Variants in KIZ observed in about 807,000 individuals in gnomAD.
KIZ encodes the protein centrosomal protein kizuna.
KIZ carries 68 observed loss-of-function variants against 79.6 expected under a neutral mutation model. That is an observed-to-expected ratio of 0.85 (90% CI 0.70 to 1.05). The LOEUF is 1.05. Among genes scored for constraint, KIZ ranks in the 50% least tolerant of loss-of-function variants. The pLI is 0.00. For synonymous variants in KIZ, 280 were observed against 281.8 expected (o/e 0.99, Z 0.06); for missense variants, 797 against 800.4 (o/e 1.00, Z 0.05).
chr20:21,210,033 G>T (rs1032990003), intron 7 of KIZ, among the ~76,000 whole-genome samples: 1 of 152,116 alleles, frequency 6.6e-6, no homozygotes, highest in Admixed American at 6.6e-5. Flanking sequence ...ACATTATGGT[G>T]TATGTTTTTT....
chr20:21,170,469 A>G (rs980133043), intron 6 of KIZ, among the ~76,000 whole-genome samples: 22 of 151,446 alleles, frequency 1.5e-4, no homozygotes, highest in African/African-American at 5.1e-4. Context: ...GCTCACTGCA[A>G]GCTCCCCTTC....
chr20:21,189,058 G>T (rs1055575592), intron 6 of KIZ, among the ~76,000 whole-genome samples: 2 of 152,014 alleles, frequency 1.3e-5, no homozygotes, highest in South Asian at 2.1e-4. Flanking sequence ...TGCCCAGGCT[G>T]GTCTCAAACT....
At chr20:21,238,027 C>T (rs760884463) in intron 11 of KIZ, among the ~76,000 whole-genome samples, 4 of 152,024 alleles carry the variant, frequency 2.6e-5, no homozygotes, top group Admixed American at 1.3e-4. Context: ...GATGATGTTT[C>T]GCCATGTTGC....
At chr20:21,206,263 G>A (rs1014893433) in intron 7 of KIZ, among the ~76,000 whole-genome samples, 2 of 152,204 alleles carry the variant, frequency 1.3e-5, no homozygotes, top group African/African-American at 4.8e-5. Flanking sequence ...CCGTTGGAGG[G>A]AAAGAGACAA....
chr20:21,128,397 C>T (rs539903937), intron 1 of KIZ, among the ~76,000 whole-genome samples: 10 of 152,270 alleles, frequency 6.6e-5, no homozygotes, highest in South Asian at 6.2e-4. Flanking sequence ...TGAGTCATTT[C>T]ATAGGGAGCA....
intron 11 of KIZ, 54 bp from the exon 12 acceptor site, chr20:21,244,191 T>C: frequency 8.0e-7 from 1 of 1,242,772 alleles, no homozygotes; most frequent in Non-Finnish European, 1.2e-6. Flanking sequence ...TATGAAAATA[T>C]TAGTCTCATT....
At chr20:21,152,679 CAAGACA>C (rs1302164803) in intron 4 of KIZ, among the ~76,000 whole-genome samples, 4 of 152,100 alleles carry the variant, frequency 2.6e-5, no homozygotes, top group Non-Finnish European at 5.9e-5. Flanking sequence ...TTACTTTGAC[CAAGACA>C]ATTGCTTAGG....
At chr20:21,185,408 T>C (rs1262407911) in intron 6 of KIZ, among the ~76,000 whole-genome samples, 2 of 127,864 alleles carry the variant, frequency 1.6e-5, no homozygotes, top group Non-Finnish European at 3.3e-5. Flanking sequence ...TTATTCTACC[T>C]TTTTTTTTTT....
rs972718508 is a variant in KIZ at position 21,162,423 on chromosome 20, G to T, written c.958G>T (p.Val320Phe). Reference sequence around the variant, plus strand: ...TGAGGAAAAAAGAGCCAGCCCGCCAGTCTCTCCGATACCAGTTTCAGAATA... The same window carrying T: ...TGAGGAAAAAAGAGCCAGCCCGCCATTCTCTCCGATACCAGTTTCAGAATA... ...EVEEKRASPP[V>F]SPIPVSEYCE... The change falls in exon 5 of 13, where the codon GTC (valine) becomes TTC (phenylalanine). Residue 320 changes from valine to phenylalanine, a missense_variant. Transcript: ENST00000619189. The T allele has an allele frequency of 5.0e-6, 8 of 1,613,296 alleles. No homozygotes were observed. The African/African-American group carries it at 5.3e-5, about 11-fold the overall frequency.
chr20:21,218,030 A>G (rs2036365700), intron 9 of KIZ: 1 of 152,220 alleles, frequency 6.6e-6, no homozygotes, highest in Admixed American at 6.5e-5. Flanking sequence ...GACCCACACA[A>G]GCACAGTACT....
At chr20:21,220,717 A>T (rs2036475655) in intron 9 of KIZ, among the ~76,000 whole-genome samples, 1 of 152,124 alleles carries the variant, frequency 6.6e-6, no homozygotes, top group South Asian at 2.1e-4. Context: ...TGGCCTAAAG[A>T]TACCCACCCA....
At chr20:21,172,793 C>G (rs571063873) in intron 6 of KIZ, among the ~76,000 whole-genome samples, 1 of 152,294 alleles carries the variant, frequency 6.6e-6, no homozygotes, top group Non-Finnish European at 1.5e-5. Context: ...TTAACCTCAT[C>G]TGTTCTTTGT....
chr20:21,163,036 C>T lies in KIZ; in HGVS notation c.1229C>T (p.Ala410Val). 1 of 1,613,662 alleles carries T rather than the reference C, an allele frequency of 6.2e-7. No homozygotes were observed. The highest frequency in any genetic ancestry group is 8.5e-7 in the Non-Finnish European group (1 of 1,179,680). ...ATGGAGGGAGAAGATGGAATAGAGGCCTTAAAATTAATCCATGCTGAGCAA... is the reference window on the plus strand; with the variant it reads ...ATGGAGGGAGAAGATGGAATAGAGGTCTTAAAATTAATCCATGCTGAGCAA... ...GKMEGEDGIE[A>V]LKLIHAEQER... Residue 410 changes from alanine (A) to valine (V), a missense_variant, in exon 6 of 13, where the codon GCC (alanine) becomes GTC (valine). Ala to Val is a moderately conservative substitution (Grantham distance 64, BLOSUM62 0). Coordinates refer to ENST00000619189, the MANE Select transcript of KIZ (RefSeq NM_018474.6).
In KIZ at chr20:21,241,395, C is replaced by T. The variant is rs546000314; in HGVS notation, c.1881-2850C>T. 1.8e-4 allele frequency among the ~76,000 whole-genome samples: 27 copies of T among 152,360 alleles called. No homozygotes were observed. In the East Asian group the frequency reaches 5.0e-3, roughly 28 times the overall value. ...AGAACAAAACACTGGAAAGTACGCT[C>T]TGCCCTTCTCCGTGGGTAGGCCACG... is the stretch of plus-strand genomic sequence containing the variant. On this transcript the variant is annotated intron_variant, in intron 11 of 12. Coordinates refer to ENST00000619189, the MANE Select transcript of KIZ (RefSeq NM_018474.6).
intron 6 of KIZ, among the ~76,000 whole-genome samples, chr20:21,176,870 T>G (rs2093070): frequency 0.6 from 91,380 of 152,130 alleles, 28,628 homozygotes; most frequent in South Asian, 0.78. Context: ...GTAGAGAAAT[T>G]ATGTCTAGCT....
chr20:21,132,311 C>T (rs1167241705), intron 2 of KIZ, among the ~76,000 whole-genome samples, 152 bp downstream of exon 2: 2 of 152,224 alleles, frequency 1.3e-5, no homozygotes, highest in South Asian at 2.1e-4. Flanking sequence ...CTTGCTCTTT[C>T]GCTCAGGCTG....
rs560832162 is a variant in KIZ, at chr20:21,144,784, T to C, written c.316-781T>C. The stretch of plus-strand genomic sequence containing the variant: ...TCATTTCATCTCATAGGTGTGTTTC[T>C]AATTACAGTGCATACCTGCCTAATT... On this transcript the variant is annotated intron_variant, in intron 3 of 12. Transcript: ENST00000619189. 2.6e-5 allele frequency among the ~76,000 whole-genome samples: 4 copies of C among 152,322 alleles called. No homozygotes were observed. In the East Asian group the frequency reaches 7.7e-4, roughly 29 times the overall value.
rs2036215485 is a variant in KIZ at position 21,214,669 on chromosome 20, A to G, written c.1581A>G (p.Val527=). The G allele has an allele frequency of 6.2e-7, 1 of 1,612,456 alleles. No homozygotes were observed. Among genetic ancestry groups the G allele is most frequent in the Non-Finnish European group, 8.5e-7 (1 of 1,178,538 alleles). The part of the protein sequence containing the change: ...NSGIKEAKPA[V]WLNSVPTREQ... Reference sequence around the variant, plus strand: ...GAATAAAGGAAGCCAAACCTGCTGTATGGCTCAACAGTGTTCCTACAAGGG... The same window carrying G: ...GAATAAAGGAAGCCAAACCTGCTGTGTGGCTCAACAGTGTTCCTACAAGGG... Residue 527 remains valine, a synonymous_variant, in exon 8 of 13, where the codon GTA becomes GTG. Coordinates refer to ENST00000619189, the MANE Select transcript of KIZ (RefSeq NM_018474.6).
At chr20:21,227,350 T>C (rs2036690120) in intron 9 of KIZ, among the ~76,000 whole-genome samples, 1 of 152,182 alleles carries the variant, frequency 6.6e-6, no homozygotes, top group Non-Finnish European at 1.5e-5. Flanking sequence ...AGCATGCCGC[T>C]CCAGCTTCCA....
Sources: allele counts gnomAD v4.1 joint callset (sites outside exome capture counted in the v4.1 genomes callset), GRCh38; gene constraint gnomAD v4.1.1; transcripts MANE v1.5; gene names NCBI Gene and HGNC (gene_info 2026-07-23, HGNC 2026-07-21).